The following ANXA8 variants were observed in gnomAD, a reference collection of about 807,000 sequenced individuals.
ANXA8 encodes annexin A8.
Under a neutral mutation model 26.8 loss-of-function variants are expected in ANXA8, and 9 were observed. The observed-to-expected ratio is 0.34, with a 90% CI of 0.20 to 0.59. The LOEUF is 0.59. Among genes scored for constraint, ANXA8 ranks in the 20% least tolerant of loss-of-function variants. The pLI is 0.84. For missense variants in ANXA8, 83 were observed against 238.5 expected (o/e 0.35, Z 4.29); for synonymous variants, 39 against 94.8 (o/e 0.41, Z 3.42).
At chr10:47,776,968 C>T in the ANXA8 span, among the ~76,000 whole-genome samples, 456 of 151,902 alleles carry the variant, frequency 3.0e-3, 10 homozygotes, top group African/African-American at 0.011. Context: ...ACGGAAAAGG[C>T]GGAAGAGGAA....
chr10:47,583,986 G>T, the ANXA8 span, among the ~76,000 whole-genome samples: 2 of 93,132 alleles, frequency 2.1e-5, no homozygotes, highest in Non-Finnish European at 4.1e-5. Flanking sequence ...TCGAGAACAG[G>T]GTGGGCACCC....
At chr10:47,646,699 AT>A in the ANXA8 span, among the ~76,000 whole-genome samples, 6 of 151,588 alleles carry the variant, frequency 4.0e-5, no homozygotes, top group African/African-American at 1.5e-4. Flanking sequence ...AACCAAGCAC[AT>A]TTTTTTTCTT....
At chr10:47,769,357 G>A in the ANXA8 span, among the ~76,000 whole-genome samples, 2 of 149,960 alleles carry the variant, frequency 1.3e-5, no homozygotes, top group Non-Finnish European at 2.9e-5. Context: ...AGTGAGAGAG[G>A]AGAGAGGAGG....
the ANXA8 span, among the ~76,000 whole-genome samples, chr10:47,571,576 A>C: frequency 5.4e-5 from 8 of 148,438 alleles, no homozygotes; most frequent in African/African-American, 1.8e-4. Flanking sequence ...ACAAAACAAA[A>C]CAAAAAAAAA....
chr10:47,525,821 T>C, the ANXA8 span, among the ~76,000 whole-genome samples: 1 of 116,258 alleles, frequency 8.6e-6, no homozygotes, highest in Non-Finnish European at 1.8e-5. Flanking sequence ...TTTTTTTTTT[T>C]GAGACGGAGT....
At chr10:47,584,681 C>G in the ANXA8 span, among the ~76,000 whole-genome samples, 7 of 94,974 alleles carry the variant, frequency 7.4e-5, no homozygotes, top group Admixed American at 7.2e-4. Flanking sequence ...TCAATAAATG[C>G]TTGTTTGGAG....
chr10:47,633,789 C>T, the ANXA8 span, among the ~76,000 whole-genome samples: 1 of 150,052 alleles, frequency 6.7e-6, no homozygotes, highest in Non-Finnish European at 1.5e-5. Flanking sequence ...TAGATTTATA[C>T]CTAACAAGAT....
At chr10:47,684,986 C>G in the ANXA8 span, among the ~76,000 whole-genome samples, 1 of 150,336 alleles carries the variant, frequency 6.7e-6, no homozygotes, top group Non-Finnish European at 1.5e-5. Flanking sequence ...CCCAGGGAAG[C>G]CAAAAGATTA....
At chr10:47,495,918 G>GA in the ANXA8 span, among the ~76,000 whole-genome samples, 1 of 151,580 alleles carries the variant, frequency 6.6e-6, no homozygotes. Context: ...CAGAGCTGGA[G>GA]AAATGAAGAA....
At chr10:47,594,740 C>T in the ANXA8 span, among the ~76,000 whole-genome samples, 1 of 147,700 alleles carries the variant, frequency 6.8e-6, no homozygotes, top group Non-Finnish European at 1.5e-5. Context: ...TTTAAAAAGA[C>T]AAAGCCTTCA....
At chr10:47,762,328 C>T in the ANXA8 span, among the ~76,000 whole-genome samples, 1 of 148,006 alleles carries the variant, frequency 6.8e-6, no homozygotes, top group African/African-American at 2.5e-5. Flanking sequence ...GGGTTCCAAC[C>T]GCTGGCCACC....
the ANXA8 span, among the ~76,000 whole-genome samples, chr10:47,671,770 T>C: frequency 2.0e-5 from 3 of 151,956 alleles, no homozygotes; most frequent in Admixed American, 2.0e-4. Flanking sequence ...CTTAACTATA[T>C]TGCTTTATGT....
the ANXA8 span, among the ~76,000 whole-genome samples, chr10:47,653,985 T>G: frequency 6.6e-6 from 1 of 150,914 alleles, no homozygotes; most frequent in Non-Finnish European, 1.5e-5. Context: ...TAGGAACACC[T>G]AGGGATAGAG....
the ANXA8 span, among the ~76,000 whole-genome samples, chr10:47,953,513 G>A: frequency 2.0e-5 from 3 of 150,882 alleles, no homozygotes; most frequent in East Asian, 4.1e-4. Context: ...CAGTTTGGAA[G>A]TTTCTTATGA....
At chr10:47,628,640 C>T in the ANXA8 span, among the ~76,000 whole-genome samples, 292 of 150,002 alleles carry the variant, frequency 1.9e-3, 12 homozygotes, top group African/African-American at 6.9e-3. Flanking sequence ...TCAGTCTTTC[C>T]ATTAAATGCT....
At chr10:47,655,936 C>T in the ANXA8 span, among the ~76,000 whole-genome samples, 2 of 152,124 alleles carry the variant, frequency 1.3e-5, no homozygotes, top group African/African-American at 4.8e-5. Context: ...AGGAGAATCG[C>T]TTGAACCTGG....
At chr10:47,628,853 C>T in the ANXA8 span, among the ~76,000 whole-genome samples, 36 of 147,562 alleles carry the variant, frequency 2.4e-4, no homozygotes, top group Admixed American at 7.3e-4. Context: ...AAGACTATAT[C>T]TCACAATTAT....
At chr10:47,591,568 C>G in the ANXA8 span, among the ~76,000 whole-genome samples, 1 of 141,952 alleles carries the variant, frequency 7.0e-6, no homozygotes, top group Non-Finnish European at 1.5e-5. Context: ...CTCAGCCTCC[C>G]AAGTAGCTGG....
At chr10:47,580,471 C>T in the ANXA8 span, among the ~76,000 whole-genome samples, 2 of 151,098 alleles carry the variant, frequency 1.3e-5, no homozygotes, top group Non-Finnish European at 2.9e-5. Flanking sequence ...TGTGTTGGCT[C>T]ACAGCTGTAA....
Sources: allele counts gnomAD v4.1 joint callset (sites outside exome capture counted in the v4.1 genomes callset), GRCh38; gene constraint gnomAD v4.1.1; transcripts MANE v1.5; gene names NCBI Gene and HGNC (gene_info 2026-07-23, HGNC 2026-07-21).